CTR9: variants seen among roughly 807,000 people sequenced by gnomAD.
CTR9 encodes the protein CTR9 component of Paf1/RNA polymerase II complex.
CTR9 carries 41 observed loss-of-function variants against 152.1 expected under a neutral mutation model. That is an observed-to-expected ratio of 0.27 (90% CI 0.21 to 0.35). CTR9 has a LOEUF of 0.35. Ranked by LOEUF, CTR9 falls within the 10% of genes least tolerant of loss-of-function variation. The pLI is 1.00. For missense variants in CTR9, 917 were observed against 1,424.4 expected (o/e 0.64, Z 5.73); for synonymous variants, 476 against 496.2 (o/e 0.96, Z 0.54).
intron 2 of CTR9, among the ~76,000 whole-genome samples, chr11:10,753,869 G>A (rs994310849): frequency 6.6e-6 from 1 of 152,034 alleles, no homozygotes; most frequent in African/African-American, 2.4e-5. Flanking sequence ...TCCCGGCATG[G>A]CTGCTAACTA....
Position 10,774,142 on chromosome 11 carries a change from G to A in CTR9, c.2858G>A (p.Gly953Asp). Residue 953 changes from glycine (G) to aspartate (D), a missense_variant, in exon 22 of 25, where the codon GGT (glycine) becomes GAT (aspartate). This residue lies in a region of CTR9 where 384 missense variants were observed against 398.4 expected (regional missense o/e 0.96). Transcript: ENST00000361367. ...CAAGAAGGTGAAGATGAGGAGGGTG[G>A]TGAGAGAAAGAAGAAAAAGAGGAGA... The part of the protein sequence containing the change: ...SEQEGEDEEG[G>D]ERKKKKRRRH... The A allele has an allele frequency of 1.2e-6, 2 of 1,604,976 alleles. No individual in the cohort carries two copies.
chr11:10,751,520 C>G lies in CTR9; in HGVS notation c.45+63C>G. The G allele has an allele frequency of 2.0e-6, 3 of 1,509,240 alleles. No individual in the cohort carries two copies. In the Admixed American group the frequency reaches 5.1e-5, roughly 26 times the overall value. The allele number at this position is 1,509,240 out of a possible 1,614,324, so 93.5% of individuals were successfully genotyped here. On this transcript the variant is annotated intron_variant, in intron 1 of 24. Coordinates refer to ENST00000361367, the MANE Select transcript of CTR9 (RefSeq NM_014633.5). ...CTTGTACGATCGCCCCCACCGACTT[C>G]GCTCGACTTCGTTTCTGAAGCGAGA... is the stretch of plus-strand genomic sequence containing the variant.
chr11:10,766,288 T>C, intron 12 of CTR9, 114 bp from the exon 13 acceptor site: 1 of 749,660 alleles, frequency 1.3e-6, no homozygotes, highest in East Asian at 2.7e-5. Flanking sequence ...GGGACTTTTC[T>C]GTTCCTTTTA....
At chr11:10,777,460 C>G (rs1411016498) in intron 24 of CTR9, among the ~76,000 whole-genome samples, 1 of 152,100 alleles carries the variant, frequency 6.6e-6, no homozygotes, top group Non-Finnish European at 1.5e-5. Context: ...GCTGACACAT[C>G]TGGATTGTTT....
At chr11:10,771,951 T>C (rs1366288872) in intron 19 of CTR9, among the ~76,000 whole-genome samples, 2 of 152,192 alleles carry the variant, frequency 1.3e-5, no homozygotes, top group Non-Finnish European at 2.9e-5. Flanking sequence ...AGGACATTTA[T>C]AGTTTGGAAA....
At chr11:10,766,264 AT>A (rs1863057907) in intron 12 of CTR9, 137 bp from the exon 13 acceptor site, 3 of 658,162 alleles carry the variant, frequency 4.6e-6, no homozygotes, top group Non-Finnish European at 7.8e-6. Flanking sequence ...GATGATTGAT[AT>A]TTTTTCACCT....
chr11:10,767,537 C>T lies in CTR9; in HGVS notation c.1687-269C>T. The T allele has an allele frequency of 9.0e-6, 3 of 332,028 alleles. No individual in the cohort carries two copies. Among genetic ancestry groups the T allele is most frequent in the Non-Finnish European group, 1.1e-5 (2 of 178,612 alleles). The allele number at this position is 332,028 out of a possible 1,614,324, so 20.6% of individuals were successfully genotyped here. A position where few individuals can be genotyped will look rare whatever the true frequency, so the allele number is the denominator to read the frequency against. ...AGGGAGCCACAGTATTTAAATTGAC[C>T]AACCTAATGTTACAACTACTTTGAG... On this transcript the variant is annotated intron_variant, in intron 13 of 24. Coordinates refer to ENST00000361367, the MANE Select transcript of CTR9 (RefSeq NM_014633.5). The surrounding 1 kb of genome is among the most constrained non-coding windows in gnomAD (Gnocchi z 4.0).
At chr11:10,763,325 A>G in intron 7 of CTR9, 106 bp from the exon 8 acceptor site, 1 of 752,196 alleles carries the variant, frequency 1.3e-6, no homozygotes, top group Admixed American at 2.5e-5. Flanking sequence ...TTTATGAAGA[A>G]GATGGAAATG....
chr11:10,775,377 T>A (rs145741161), intron 23 of CTR9, 74 bp downstream of exon 23: 1 of 1,437,122 alleles, frequency 7.0e-7, no homozygotes, highest in Admixed American at 1.9e-5. Context: ...ATACATTCTT[T>A]CCTTGCAGCT....
intron 19 of CTR9, 148 bp from the exon 20 acceptor site, chr11:10,772,371 GA>G (rs932218313): frequency 5.5e-5 from 36 of 660,486 alleles, no homozygotes; most frequent in East Asian, 1.8e-4. Context: ...AAAAAAGGAA[GA>G]AAAAAAACAT....
chr11:10,773,601 A>G (rs946664066), intron 21 of CTR9, among the ~76,000 whole-genome samples: 1 of 152,242 alleles, frequency 6.6e-6, no homozygotes, highest in East Asian at 1.9e-4. Context: ...AAGATCCTTC[A>G]TTTGGGCCGG....
At position 10,779,193 on chromosome 11, in the gene CTR9, A is replaced by G. The variant is rs1590031075; in HGVS notation, c.*88A>G. ...TAAAAATGTTTCAGATGTTTAGTCAATTGTGAAATTTTTCTTAAGGCAATT... is the reference window on the plus strand; with the variant it reads ...TAAAAATGTTTCAGATGTTTAGTCAGTTGTGAAATTTTTCTTAAGGCAATT... On this transcript the variant is annotated 3_prime_UTR_variant, in exon 25 of 25. Coordinates refer to ENST00000361367, the MANE Select transcript of CTR9 (RefSeq NM_014633.5). 5.1e-6 allele frequency: 7 copies of G among 1,376,032 alleles called. No homozygotes were observed. Among genetic ancestry groups the G allele is most frequent in the South Asian group, 3.0e-5 (2 of 67,632 alleles). 85.2% of individuals were successfully genotyped at this position (1,376,032 alleles called of 1,614,324 possible).
In CTR9 at chr11:10,751,412, C is replaced by T. The variant is rs1717077803; in HGVS notation, c.-1C>T. 6.2e-7 allele frequency: 1 copy of T among 1,613,398 alleles called. No homozygotes were observed. Among genetic ancestry groups the T allele is most frequent in the Non-Finnish European group, 8.5e-7 (1 of 1,180,000 alleles). On this transcript the variant is annotated 5_prime_UTR_variant, in exon 1 of 25. Transcript: ENST00000361367. ...ACACTTGCTCGCCTTTTGACCCCAT[C>T]ATGTCGCGGGGCTCCATCGAGATTC...
In CTR9 at chr11:10,755,158, G is replaced by T. The variant is rs1025777662; in HGVS notation, c.345G>T (p.Leu115Phe). ...NKKDLITQAT[L>F]LYTMADKIIM... The stretch of plus-strand genomic sequence containing the variant: ...AGGATCTTATTACACAGGCCACCTT[G>T]TTGTATACAATGGCCGATAAAATTA... The change falls in exon 3 of 25, where the codon TTG becomes TTT. Residue 115 changes from leucine to phenylalanine, a missense_variant. Physicochemically the swap from Leu to Phe is conservative, Grantham distance 22 (BLOSUM62 0). Coordinates refer to ENST00000361367, the MANE Select transcript of CTR9 (RefSeq NM_014633.5). 3 of 1,613,104 alleles carry T rather than the reference G, an allele frequency of 1.9e-6. No individual in the cohort carries two copies. Among genetic ancestry groups the T allele is most frequent in the African/African-American group, 2.7e-5 (2 of 74,876 alleles).
intron 12 of CTR9, among the ~76,000 whole-genome samples, chr11:10,765,931 A>AAAAATGTC (rs1259065136): frequency 4.9e-4 from 75 of 152,342 alleles, no homozygotes; most frequent in Non-Finnish European, 9.1e-4. Flanking sequence ...GAAAACAACA[A>AAAAATGTC]CTTACATTTG....
intron 20 of CTR9, among the ~76,000 whole-genome samples, 190 bp from the exon 21 acceptor site, chr11:10,772,937 G>A (rs1863167786): frequency 3.9e-5 from 6 of 151,984 alleles, no homozygotes; most frequent in Admixed American, 3.9e-4. Context: ...TGAGGCAGGA[G>A]AATCACTTGA....
At position 10,763,407 on chromosome 11, in the gene CTR9, G is replaced by A. The variant is rs143434773; in HGVS notation, c.850-24G>A. The A allele has an allele frequency of 1.7e-3, 2,543 of 1,520,112 alleles. 38 individuals are homozygous for A. In the African/African-American group the frequency reaches 0.031, roughly 18 times the overall value. The allele number at this position is 1,520,112 out of a possible 1,614,324, so 94.2% of individuals were successfully genotyped here. ...CAAGCTAGTCTTATGAATTCACTCA[G>A]TTGACTTTCTGATCTTTGTTCAGGA... On this transcript the variant is annotated intron_variant, in intron 7 of 24. Coordinates refer to ENST00000361367, the MANE Select transcript of CTR9 (RefSeq NM_014633.5).
rs115923923 is a variant in CTR9, at chr11:10,754,566, C to G, written c.145-392C>G. ...TCTGAAAGTGTCCTCTGTACCACTC[C>G]CCACAAGTCCCCCACCCCACCCCTA... is the stretch of plus-strand genomic sequence containing the variant. On this transcript the variant is annotated intron_variant, in intron 2 of 24. Transcript: ENST00000361367. Among the ~76,000 whole-genome samples, 1,232 of 152,250 alleles carry G rather than the reference C, an allele frequency of 8.1e-3. 13 individuals carry two copies. The highest frequency in any genetic ancestry group is 0.028 in the African/African-American group (1,172 of 41,534).
At chr11:10,768,686 AATTAC>A (rs1863097020) in intron 16 of CTR9, among the ~76,000 whole-genome samples, 195 bp downstream of exon 16, 1 of 152,174 alleles carries the variant, frequency 6.6e-6, no homozygotes, top group South Asian at 2.1e-4. Flanking sequence ...TTCCACCACT[AATTAC>A]ATGCCTCAGG....
Sources: allele counts gnomAD v4.1 joint callset (sites outside exome capture counted in the v4.1 genomes callset), GRCh38; gene constraint gnomAD v4.1.1; regional missense constraint gnomAD v4.1.1; non-coding constraint Gnocchi (gnomAD v3.1); transcripts MANE v1.5; gene names NCBI Gene and HGNC (gene_info 2026-07-23, HGNC 2026-07-21).